The following OGDH variants were observed in gnomAD, a reference collection of about 807,000 sequenced individuals.
OGDH encodes the protein oxoglutarate dehydrogenase.
Under a neutral mutation model 116.6 loss-of-function variants are expected in OGDH, and 38 were observed. The ratio of observed to expected loss-of-function variants is 0.33; its 90% confidence interval spans 0.25 to 0.43. The LOEUF is 0.43. OGDH is among the 20% of genes least tolerant of loss of function. OGDH has a pLI of 1.00. For missense variants in OGDH, 825 were observed against 1,357.2 expected (o/e 0.61, Z 6.16); for synonymous variants, 488 against 533.3 (o/e 0.92, Z 1.17).
At chr7:44,642,252 CA>C (rs1262397468) in intron 2 of OGDH, among the ~76,000 whole-genome samples, 1 of 151,934 alleles carries the variant, frequency 6.6e-6, no homozygotes, top group African/African-American at 2.4e-5. Context: ...CTCATCTCCA[CA>C]AAAAAATATT....
Position 44,694,637 on chromosome 7 carries a change from T to A in OGDH, c.1668+61T>A. 6.3e-7 allele frequency: 1 copy of A among 1,592,720 alleles called. No individual in the cohort carries two copies. Among genetic ancestry groups the A allele is most frequent in the Non-Finnish European group, 8.6e-7 (1 of 1,162,844 alleles). ...CAGGGCTGGCGATGACTAGAAAAGG[T>A]GGGCCACAGGGCCAGTTCTCACTTT... On this transcript the variant is annotated intron_variant, in intron 12 of 22. Coordinates refer to ENST00000222673, the MANE Select transcript of OGDH (RefSeq NM_002541.4). The surrounding 1 kb of genome is among the most constrained non-coding windows in gnomAD (Gnocchi z 4.2).
chr7:44,679,300 T>C (rs1251034024), intron 9 of OGDH, among the ~76,000 whole-genome samples: 7 of 152,142 alleles, frequency 4.6e-5, no homozygotes, highest in Admixed American at 3.3e-4. Context: ...TCAAAACCAA[T>C]GGCTTTTACA....
chr7:44,692,029 C>T (rs1788387517), intron 10 of OGDH, among the ~76,000 whole-genome samples: 1 of 145,254 alleles, frequency 6.9e-6, no homozygotes, highest in South Asian at 2.2e-4. Context: ...GGGAAATGGT[C>T]ACAGTATGGT....
intron 1 of OGDH, among the ~76,000 whole-genome samples, chr7:44,613,423 C>T (rs1784643345): frequency 6.6e-6 from 1 of 152,144 alleles, no homozygotes; most frequent in African/African-American, 2.4e-5. Flanking sequence ...TGCAGTGATG[C>T]GATCTTGGCT....
chr7:44,681,885 C>T (rs1268955989), intron 10 of OGDH, 37 bp downstream of exon 10: 1 of 1,611,342 alleles, frequency 6.2e-7, no homozygotes, highest in East Asian at 2.2e-5. Flanking sequence ...CTGCTCACAT[C>T]AGTCTTACTT....
At chr7:44,648,423 G>A (rs2115820440) in intron 4 of OGDH, among the ~76,000 whole-genome samples, 1 of 152,314 alleles carries the variant, frequency 6.6e-6, no homozygotes, top group South Asian at 2.1e-4. Context: ...TGGGTGTTGT[G>A]GCTGGGCTCT....
chr7:44,683,255 A>C (rs920253109), intron 10 of OGDH, among the ~76,000 whole-genome samples: 3 of 152,242 alleles, frequency 2.0e-5, no homozygotes, highest in Admixed American at 6.5e-5. Context: ...GTTTGAGACC[A>C]GTCTTGCCCC....
intron 12 of OGDH, among the ~76,000 whole-genome samples, chr7:44,695,701 CAA>C (rs551704915): frequency 1.8e-4 from 15 of 83,158 alleles, no homozygotes; most frequent in Admixed American, 2.7e-4. Flanking sequence ...GACTCCGTCT[CAA>C]AAAAAAAAAA....
chr7:44,696,279 C>T (rs1788576534), intron 13 of OGDH, 150 bp from the exon 14 acceptor site: 1 of 1,107,246 alleles, frequency 9.0e-7, no homozygotes. Context: ...AGACCCTGGA[C>T]CCAGACCCCT....
chr7:44,659,575 G>A (rs564050951), intron 4 of OGDH, among the ~76,000 whole-genome samples: 30 of 152,240 alleles, frequency 2.0e-4, no homozygotes, highest in African/African-American at 7.0e-4. Flanking sequence ...ATTAGCCATA[G>A]GGCTTTTCTA....
chr7:44,676,374 G>A, intron 9 of OGDH: 2 of 912,674 alleles, frequency 2.2e-6, no homozygotes, highest in Non-Finnish European at 3.2e-6. Flanking sequence ...TGACCAACAT[G>A]GAGAAACTCC....
chr7:44,690,197 T>A (rs564958033), intron 10 of OGDH, among the ~76,000 whole-genome samples: 1 of 152,318 alleles, frequency 6.6e-6, no homozygotes, highest in African/African-American at 2.4e-5. Flanking sequence ...AAGGAAGAAC[T>A]CCTAACAGTG....
At chr7:44,696,340 T>C (rs758291828) in intron 13 of OGDH, 89 bp from the exon 14 acceptor site, 376 of 1,500,506 alleles carry the variant, frequency 2.5e-4, no homozygotes, top group Non-Finnish European at 3.3e-4. Flanking sequence ...TCTCTCACCC[T>C]GCTTCTCCCC....
chr7:44,620,863 C>T (rs908841483), intron 1 of OGDH, among the ~76,000 whole-genome samples: 1 of 152,098 alleles, frequency 6.6e-6, no homozygotes, highest in Admixed American at 6.6e-5. Flanking sequence ...ATTGGACATC[C>T]CTGTTTTAAA....
chr7:44,691,447 G>T (rs1788359229), intron 10 of OGDH, among the ~76,000 whole-genome samples: 1 of 150,340 alleles, frequency 6.7e-6, no homozygotes, highest in Non-Finnish European at 1.5e-5. Flanking sequence ...CAGGAGGATT[G>T]CTTGAGCCCG....
At chr7:44,639,942 C>T (rs905353630) in intron 2 of OGDH, among the ~76,000 whole-genome samples, 7 of 152,200 alleles carry the variant, frequency 4.6e-5, no homozygotes, top group African/African-American at 9.7e-5. Flanking sequence ...GCTGAATTTC[C>T]GTCTGTGCAG....
chr7:44,663,790 A>T (rs1442879833), intron 4 of OGDH, among the ~76,000 whole-genome samples: 5 of 151,988 alleles, frequency 3.3e-5, no homozygotes, highest in Non-Finnish European at 5.9e-5. Flanking sequence ...AATTACAAAA[A>T]CTAGCTGGAC....
rs1457117978 is a variant in OGDH, at chr7:44,645,343, T to A, written c.239T>A (p.Phe80Tyr). The change falls in exon 3 of 23, where the codon TTT becomes TAT. Residue 80 changes from phenylalanine to tyrosine, a missense_variant. Phe to Tyr is a conservative substitution (Grantham distance 22). Coordinates refer to ENST00000222673, the MANE Select transcript of OGDH (RefSeq NM_002541.4). Reference sequence around the variant, plus strand: ...TGTCTTTAGTCATGGGACATTTTTTTTCGCAACACGAATGCCGGAGCCCCA... The same window carrying A: ...TGTCTTTAGTCATGGGACATTTTTTATCGCAACACGAATGCCGGAGCCCCA... ...KSVHKSWDIF[F>Y]RNTNAGAPPG... 6.2e-7 allele frequency: 1 copy of A among 1,614,096 alleles called. No individual in the cohort carries two copies. The highest frequency in any genetic ancestry group is 2.2e-5 in the East Asian group (1 of 44,882).
rs565958075 is a variant in OGDH, at chr7:44,689,592, T to C, written c.1336-4233T>C. On this transcript the variant is annotated intron_variant, in intron 10 of 22. Transcript: ENST00000222673. ...CCAACTCTTGTTATTGTCTGTTTTA[T>C]TCTAGCCATCCTAGAAGGTGTGAGG... Among the ~76,000 whole-genome samples, 90 of 152,072 alleles carry C rather than the reference T, an allele frequency of 5.9e-4. 1 individual carries two copies. Among genetic ancestry groups the C allele is most frequent in the African/African-American group, 2.0e-3 (84 of 41,492 alleles).
Sources: gnomAD v4.1 joint callset for allele counts (sites outside exome capture counted in the v4.1 genomes callset) on GRCh38, gnomAD v4.1.1 for gene constraint, Gnocchi (gnomAD v3.1) non-coding constraint, MANE v1.5 for transcripts, NCBI Gene and HGNC (gene_info 2026-07-23, HGNC 2026-07-21) for gene names.